Variants in ATAD2 observed in about 807,000 individuals in gnomAD.
ATAD2 encodes ATPase family AAA domain-containing protein 2.
In ATAD2, 62 loss-of-function variants were observed where a neutral mutation model predicts 168.9. That is an observed-to-expected ratio of 0.37 (90% CI 0.30 to 0.45). The LOEUF (loss-of-function observed/expected upper bound fraction) is 0.45. ATAD2 is among the 20% of genes least tolerant of loss of function. The pLI is 1.00. For synonymous variants in ATAD2, 613 were observed against 571.6 expected (o/e 1.07, Z -1.03); for missense variants, 1,419 against 1,667.8 (o/e 0.85, Z 2.60).
At chr8:123,372,057 T>G (rs1379830425) in intron 3 of ATAD2, among the ~76,000 whole-genome samples, 1 of 152,156 alleles carries the variant, frequency 6.6e-6, no homozygotes, top group Non-Finnish European at 1.5e-5. Flanking sequence ...GAAAGATATG[T>G]AATACAAAGA....
At chr8:123,386,843 G>T (rs11992400) in intron 1 of ATAD2, among the ~76,000 whole-genome samples, 8,383 of 151,570 alleles carry the variant, frequency 0.055, 767 homozygotes, top group African/African-American at 0.19. Context: ...AATCTTTGAT[G>T]TGCATAGTGA....
At chr8:123,363,055 A>C (rs1257023384) in intron 8 of ATAD2, among the ~76,000 whole-genome samples, 1 of 152,228 alleles carries the variant, frequency 6.6e-6, no homozygotes, top group Non-Finnish European at 1.5e-5. Context: ...AGAAAAAACA[A>C]AGAGTCTGGT....
intron 1 of ATAD2, among the ~76,000 whole-genome samples, chr8:123,386,014 T>G (rs1222655954): frequency 6.8e-6 from 1 of 147,204 alleles, no homozygotes; most frequent in Non-Finnish European, 1.5e-5. Context: ...TTAGGATGGC[T>G]ACTCACAAAA....
chr8:123,401,415 G>C, upstream of ATAD2: 1 of 1,380,036 alleles, frequency 7.2e-7, no homozygotes, highest in Non-Finnish European at 1.0e-6. Context: ...GGAACTTGCT[G>C]TATCAACTGC....
In ATAD2 at chr8:123,349,458, A is replaced by G. The variant is rs748897282; in HGVS notation, c.1647-14T>C. ...GAAACAATAGAACTAAATTTTAAAA[A>G]TAAGAGAGAAGAGATTAATACTATG... On this transcript the variant is annotated splice_polypyrimidine_tract_variant and intron_variant, in intron 13 of 27. Transcript: ENST00000287394. 6 of 1,607,886 alleles carry G rather than the reference A, an allele frequency of 3.7e-6. No individual in the cohort carries two copies. The highest frequency in any genetic ancestry group is 2.2e-5 in the South Asian group (2 of 90,778).
intron 1 of ATAD2, among the ~76,000 whole-genome samples, chr8:123,384,252 AC>A (rs1305698535): frequency 1.3e-5 from 2 of 152,178 alleles, no homozygotes; most frequent in Non-Finnish European, 1.5e-5. Context: ...TTGATGTATA[AC>A]AAAAAAAAAC....
chr8:123,391,841 T>C (rs549302953), intron 1 of ATAD2, among the ~76,000 whole-genome samples: 11 of 152,336 alleles, frequency 7.2e-5, no homozygotes, highest in South Asian at 4.1e-4. Context: ...ACCACCGATT[T>C]ATTTTAATCC....
chr8:123,382,704 G>A (rs1184756426), intron 1 of ATAD2, among the ~76,000 whole-genome samples: 1 of 152,218 alleles, frequency 6.6e-6, no homozygotes, highest in African/African-American at 2.4e-5. Context: ...AACAACAGAT[G>A]CTGGAGAGGA....
chr8:123,359,230 T>C lies in ATAD2; in HGVS notation c.1373A>G (p.Gln458Arg), dbSNP rs774708086. ...AATATAATTAAATTACCTTGGGGGTTGAATTTTAAATTTTTCAAAGACTTC... is the reference window on the plus strand; with the variant it reads ...AATATAATTAAATTACCTTGGGGGTCGAATTTTAAATTTTTCAAAGACTTC... ...YPEVFEKFKIQPPRGCLFYGP... is the reference protein window; with the variant it reads ...YPEVFEKFKIRPPRGCLFYGP... Residue 458 changes from glutamine (Q) to arginine (R), a missense_variant, in exon 11 of 28, where the codon CAA (glutamine) becomes CGA (arginine). By Grantham distance (43) the Gln-to-Arg change is conservative (BLOSUM62 1). Coordinates refer to ENST00000287394, the MANE Select transcript of ATAD2 (RefSeq NM_014109.4). 1 of 1,576,632 alleles carries C rather than the reference T, an allele frequency of 6.3e-7. No individual in the cohort carries two copies. The highest frequency in any genetic ancestry group is 1.8e-5 in the Admixed American group (1 of 54,332).
At chr8:123,351,949 C>G (rs1368640367) in intron 13 of ATAD2, among the ~76,000 whole-genome samples, 2 of 152,008 alleles carry the variant, frequency 1.3e-5, no homozygotes, top group Non-Finnish European at 1.5e-5. Flanking sequence ...GGGGTTTCAC[C>G]GTGTTAGCCA....
intron 2 of ATAD2, 91 bp downstream of exon 2, chr8:123,380,438 A>G (rs1829461756): frequency 7.6e-7 from 1 of 1,307,436 alleles, no homozygotes; most frequent in Admixed American, 2.0e-5. Context: ...AACCTTGATG[A>G]CCAGTCAAAA....
At chr8:123,354,227 ATAAT>A (rs1828560905) in intron 13 of ATAD2, among the ~76,000 whole-genome samples, 1 of 152,208 alleles carries the variant, frequency 6.6e-6, no homozygotes. Context: ...TGACATTCAC[ATAAT>A]TACTTATTTG....
At position 123,369,954 on chromosome 8, in the gene ATAD2, A is replaced by G. The variant is rs140021846; in HGVS notation, c.798T>C (p.Asp266=). ...CATCATCATCATCATCGTCATCATC[A>G]TCATCATCTTCATCATCTTCATCTT... The part of the protein sequence containing the change: ...DGEDEDDEDD[D]DDDDDDDDDD... Residue 266 remains aspartate (D), a synonymous_variant, in exon 7 of 28, where the codon GAT becomes GAC. Transcript: ENST00000287394. The G allele has an allele frequency of 1.8e-5, 29 of 1,578,806 alleles. No homozygotes were observed. The highest frequency in any genetic ancestry group is 3.3e-4 in the Middle Eastern group (2 of 6,016).
upstream of ATAD2, chr8:123,401,266 G>A: frequency 9.8e-7 from 1 of 1,017,674 alleles, no homozygotes; most frequent in South Asian, 1.3e-5. Flanking sequence ...GAAGAACCGA[G>A]ACTACCCTGT....
intron 27 of ATAD2, among the ~76,000 whole-genome samples, chr8:123,321,991 T>TTA (rs1439648816): frequency 3.4e-4 from 52 of 151,238 alleles, no homozygotes; most frequent in African/African-American, 1.1e-3. Context: ...ATAAGTCTTT[T>TTA]TTTTTTTTTT....
intron 2 of ATAD2, among the ~76,000 whole-genome samples, 197 bp from the exon 3 acceptor site, chr8:123,372,883 T>C (rs778126812): frequency 8.4e-4 from 125 of 148,194 alleles, no homozygotes; most frequent in Non-Finnish European, 1.5e-3. Context: ...CCTCACTACA[T>C]CCAGCTAACT....
At chr8:123,339,998 T>A (rs529421971) in intron 19 of ATAD2, among the ~76,000 whole-genome samples, 2 of 152,152 alleles carry the variant, frequency 1.3e-5, no homozygotes, top group East Asian at 3.9e-4. Flanking sequence ...CAAGCAATCC[T>A]CTTATCTCAG....
At chr8:123,411,311 C>T (rs1468586341) in intron 1 of ATAD2, among the ~76,000 whole-genome samples, 2 of 152,104 alleles carry the variant, frequency 1.3e-5, no homozygotes, top group Non-Finnish European at 2.9e-5. Flanking sequence ...TTAATGACAT[C>T]GAAGGCACCC....
intron 8 of ATAD2, among the ~76,000 whole-genome samples, chr8:123,367,570 A>G (rs1829021150): frequency 6.6e-6 from 1 of 152,108 alleles, no homozygotes; most frequent in Non-Finnish European, 1.5e-5. Context: ...AGGGAACACT[A>G]TACCTTCCTC....
Sources: allele counts gnomAD v4.1 joint callset (sites outside exome capture counted in the v4.1 genomes callset), GRCh38; gene constraint gnomAD v4.1.1; transcripts MANE v1.5; gene names NCBI Gene and HGNC (gene_info 2026-07-23, HGNC 2026-07-21).